TBCA: variants seen among roughly 807,000 people sequenced by gnomAD.
The protein encoded by TBCA is tubulin-specific chaperone A.
In TBCA, 6 loss-of-function variants were observed where a neutral mutation model predicts 15.8. The ratio of observed to expected loss-of-function variants is 0.38; its 90% confidence interval spans 0.21 to 0.75. TBCA has a LOEUF of 0.75. TBCA is among the 30% of genes least tolerant of loss of function. The probability of loss-of-function intolerance (pLI) is 0.46; values close to 1 mark genes in which losing one functional copy is unlikely to be tolerated. For synonymous variants in TBCA, 32 were observed against 42.3 expected, an observed-to-expected ratio of 0.76 and a Z score of 0.94; for missense variants, 90 against 131.2, an observed-to-expected ratio of 0.69 and a Z score of 1.53.
chr5:77,750,114 T>C (rs1316206309), intron 1 of TBCA, among the ~76,000 whole-genome samples: 1 of 149,608 alleles, frequency 6.7e-6, no homozygotes, highest in Admixed American at 6.8e-5. Flanking sequence ...TACCTCTTTG[T>C]ACCTTTGCAA....
chr5:77,700,526 A>ATAGC (rs1362827900), intron 2 of TBCA, among the ~76,000 whole-genome samples: 3 of 152,222 alleles, frequency 2.0e-5, no homozygotes, highest in African/African-American at 7.2e-5. Context: ...CAGCTATCAT[A>ATAGC]TAGCTGATGG....
rs34100013 is a variant in TBCA at position 77,736,335 on chromosome 5, CAA to C, written c.54-27990_54-27989del. ...TGAGTGACAGAGCGAGACTCCGTCTCAAAAAAAAAAAAAAAAAAAATCTAGCT... is the reference window on the plus strand; with the variant it reads ...TGAGTGACAGAGCGAGACTCCGTCTCAAAAAAAAAAAAAAAAAATCTAGCT... On this transcript the variant is annotated intron_variant, in intron 1 of 3. Coordinates refer to ENST00000380377, the MANE Select transcript of TBCA (RefSeq NM_004607.3). 2.1e-3 allele frequency among the ~76,000 whole-genome samples: 185 copies of C among 90,222 alleles called. 1 individual carries two copies. Among genetic ancestry groups the C allele is most frequent in the South Asian group, 5.6e-3 (15 of 2,658 alleles). 59.2% of individuals were successfully genotyped at this position (90,222 alleles called of 152,430 possible).
rs950430224 is a variant in TBCA at position 77,752,856 on chromosome 5, C to G, written c.53+23349G>C. 1.0e-4 allele frequency among the ~76,000 whole-genome samples: 5 copies of G among 47,942 alleles called. 1 individual carries two copies. Among genetic ancestry groups the G allele is most frequent in the African/African-American group, 3.3e-4 (5 of 15,280 alleles). 31.5% of individuals were successfully genotyped at this position (47,942 alleles called of 152,430 possible). A position where few individuals can be genotyped will look rare whatever the true frequency, so the allele number is the denominator to read the frequency against. ...TACAGGCGTGAGCCACCGCGCCCGG[C>G]CTCCGGCTTATTTTTAATAGAGACG... On this transcript the variant is annotated intron_variant, in intron 1 of 3. Coordinates refer to ENST00000380377, the MANE Select transcript of TBCA (RefSeq NM_004607.3).
intron 1 of TBCA, 24 bp from the exon 2 acceptor site, chr5:77,708,371 T>C: frequency 3.5e-6 from 5 of 1,441,874 alleles, no homozygotes. Context: ...AAAAATGTTT[T>C]AGAAAATTAG....
intron 1 of TBCA, among the ~76,000 whole-genome samples, chr5:77,771,174 C>T (rs1747902061): frequency 6.6e-6 from 1 of 151,512 alleles, no homozygotes; most frequent in Non-Finnish European, 1.5e-5. Flanking sequence ...CTGTTACATA[C>T]ATTTCTCTAG....
intron 1 of TBCA, among the ~76,000 whole-genome samples, chr5:77,759,762 G>A (rs1247984273): frequency 6.6e-6 from 1 of 152,068 alleles, no homozygotes; most frequent in Non-Finnish European, 1.5e-5. Context: ...CCTATTTAAT[G>A]TATTTCAATG....
rs771150120 is a variant in TBCA at position 77,692,761 on chromosome 5, G to C, written c.246+505C>G. On this transcript the variant is annotated intron_variant, in intron 3 of 3. Transcript: ENST00000380377. ...TCTGTATCACAAGGCATTTATACCA[G>C]CAAGTATAAGTGTTATTCAGCTCCA... The C allele has an allele frequency of 3.0e-6, 3 of 997,392 alleles. No individual in the cohort carries two copies. In the East Asian group the frequency reaches 3.2e-4, roughly 108 times the overall value. The allele number at this position is 997,392 out of a possible 1,614,324, so 61.8% of individuals were successfully genotyped here. A position where few individuals can be genotyped will look rare whatever the true frequency, so the allele number is the denominator to read the frequency against.
At chr5:77,722,567 G>C (rs1316930504) in intron 1 of TBCA, among the ~76,000 whole-genome samples, 3 of 151,932 alleles carry the variant, frequency 2.0e-5, no homozygotes, top group African/African-American at 7.2e-5. Context: ...CATAATCACA[G>C]CTTTTGAGTT....
intron 1 of TBCA, among the ~76,000 whole-genome samples, chr5:77,753,892 G>A (rs1422281221): frequency 6.6e-6 from 1 of 152,062 alleles, no homozygotes; most frequent in Admixed American, 6.5e-5. Context: ...ATGAGTAGCT[G>A]GGATTACAGG....
chr5:77,752,433 C>T (rs921830091), intron 1 of TBCA, among the ~76,000 whole-genome samples: 3 of 152,052 alleles, frequency 2.0e-5, no homozygotes, highest in East Asian at 1.9e-4. Flanking sequence ...ATCTGATCTC[C>T]GCTCACTGCA....
chr5:77,699,678 C>T (rs188605876), intron 2 of TBCA, among the ~76,000 whole-genome samples: 1 of 151,996 alleles, frequency 6.6e-6, no homozygotes, highest in African/African-American at 2.4e-5. Context: ...AGCAAAGAGG[C>T]CTTAGCCCTG....
intron 2 of TBCA, among the ~76,000 whole-genome samples, chr5:77,694,506 A>G (rs997247919): frequency 2.0e-5 from 3 of 152,246 alleles, no homozygotes; most frequent in African/African-American, 7.2e-5. Flanking sequence ...GATAAGAGTA[A>G]ATAAGTTAAT....
At chr5:77,753,448 C>T (rs1375077155) in intron 1 of TBCA, among the ~76,000 whole-genome samples, 1 of 152,132 alleles carries the variant, frequency 6.6e-6, no homozygotes, top group Non-Finnish European at 1.5e-5. Flanking sequence ...TAAAAACATT[C>T]CCTCCCTTAC....
At chr5:77,705,261 TA>T (rs1380877146) in intron 2 of TBCA, among the ~76,000 whole-genome samples, 3 of 150,334 alleles carry the variant, frequency 2.0e-5, no homozygotes, top group African/African-American at 4.8e-5. Flanking sequence ...AGGACTATTT[TA>T]AAATACATTA....
intron 1 of TBCA, among the ~76,000 whole-genome samples, chr5:77,756,815 TAAG>T (rs1258998811): frequency 3.9e-5 from 6 of 152,110 alleles, no homozygotes; most frequent in Admixed American, 2.6e-4. Flanking sequence ...GCGTTAGACC[TAAG>T]AAGAATCTGC....
chr5:77,698,455 TTTG>T (rs1319878682), intron 2 of TBCA, among the ~76,000 whole-genome samples: 10 of 152,336 alleles, frequency 6.6e-5, no homozygotes, highest in Non-Finnish European at 1.2e-4. Context: ...TTGTAATTTA[TTTG>T]TTGTTGTTAA....
At chr5:77,712,037 A>G (rs906612274) in intron 1 of TBCA, among the ~76,000 whole-genome samples, 3 of 152,292 alleles carry the variant, frequency 2.0e-5, no homozygotes, top group Admixed American at 1.3e-4. Context: ...TATAGTGAAT[A>G]AAGGCTAGGG....
chr5:77,709,536 C>A (rs953709729), intron 1 of TBCA, among the ~76,000 whole-genome samples: 4 of 152,130 alleles, frequency 2.6e-5, no homozygotes, highest in African/African-American at 7.2e-5. Flanking sequence ...TGGCTGTTGG[C>A]AAGATGGCAA....
intron 1 of TBCA, among the ~76,000 whole-genome samples, chr5:77,729,350 G>C (rs1437690011): frequency 6.6e-6 from 1 of 152,066 alleles, no homozygotes; most frequent in South Asian, 2.1e-4. Context: ...TACCATCACT[G>C]GAAAAGTGTT....
Sources: allele counts gnomAD v4.1 joint callset (sites outside exome capture counted in the v4.1 genomes callset), GRCh38; gene constraint gnomAD v4.1.1; transcripts MANE v1.5; gene names NCBI Gene and HGNC (gene_info 2026-07-23, HGNC 2026-07-21).